Variants in IL12RB2 observed in about 807,000 individuals in gnomAD.
The protein encoded by IL12RB2 is interleukin-12 receptor subunit beta-2.
IL12RB2 carries 82 observed loss-of-function variants against 89.4 expected under a neutral mutation model. That is an observed-to-expected ratio of 0.92 (90% CI 0.77 to 1.10). The LOEUF (loss-of-function observed/expected upper bound fraction) is 1.10. IL12RB2 is among the 50% of genes least tolerant of loss of function. IL12RB2 has a pLI of 0.00. For synonymous variants in IL12RB2, 368 were observed against 370.1 expected (o/e 0.99, Z 0.07); for missense variants, 963 against 1,031.9 (o/e 0.93, Z 0.92).
At chr1:67,395,071 C>T (rs1000754429) in intron 16 of IL12RB2, among the ~76,000 whole-genome samples, 1 of 152,026 alleles carries the variant, frequency 6.6e-6, no homozygotes, top group Non-Finnish European at 1.5e-5. Flanking sequence ...AGTTCGAGAC[C>T]AGCCTGGCCA....
intron 1 of IL12RB2, among the ~76,000 whole-genome samples, chr1:67,312,098 C>T (rs930261012): frequency 4.6e-5 from 7 of 152,160 alleles, no homozygotes; most frequent in African/African-American, 1.2e-4. Context: ...AGGTCAATTG[C>T]TATTTTTAAA....
At chr1:67,378,129 AAACAAC>A (rs34521970) in intron 13 of IL12RB2, among the ~76,000 whole-genome samples, 339 of 151,116 alleles carry the variant, frequency 2.2e-3, no homozygotes, top group Non-Finnish European at 3.9e-3. Context: ...AAAACAAAAC[AAACAAC>A]AACAACAACA....
At chr1:67,383,062 A>G (rs12741095) in intron 14 of IL12RB2, among the ~76,000 whole-genome samples, 70,790 of 151,740 alleles carry the variant, frequency 0.47, 18,663 homozygotes, top group Non-Finnish European at 0.58. Flanking sequence ...ATAATTTATA[A>G]AGGGAAGAGG....
intron 10 of IL12RB2, among the ~76,000 whole-genome samples, chr1:67,363,435 C>G (rs1374410388): frequency 6.8e-6 from 1 of 147,138 alleles, no homozygotes; most frequent in Non-Finnish European, 1.5e-5. Flanking sequence ...AGGCTGGTCT[C>G]GAACTCCCAA....
chr1:67,338,630 C>T lies in IL12RB2; in HGVS notation c.965C>T (p.Thr322Ile), dbSNP rs1659154463. 6.8e-7 allele frequency: 1 copy of T among 1,470,208 alleles called. No individual in the cohort carries two copies. Among genetic ancestry groups the T allele is most frequent in the African/African-American group, 1.4e-5 (1 of 72,250 alleles). 91.1% of individuals were successfully genotyped at this position (1,470,208 alleles called of 1,614,324 possible). A position where few individuals can be genotyped will look rare whatever the true frequency, so the allele number is the denominator to read the frequency against. ...TTTTTCTCCTTTGAAACAGAGCCTACTGGGATGTTAGATGTCTGGTACATG... is the reference window on the plus strand; with the variant it reads ...TTTTTCTCCTTTGAAACAGAGCCTATTGGGATGTTAGATGTCTGGTACATG... ...LRAQTPEEEP[T>I]GMLDVWYMKR... The change falls in exon 9 of 17, where the codon ACT (threonine) becomes ATT (isoleucine). Residue 322 changes from threonine to isoleucine, a missense_variant. Transcript: ENST00000674203.
intron 13 of IL12RB2, among the ~76,000 whole-genome samples, chr1:67,373,357 A>G (rs1053279308): frequency 4.6e-5 from 7 of 152,260 alleles, no homozygotes; most frequent in Non-Finnish European, 5.9e-5. Flanking sequence ...TGATTTGCCT[A>G]CCTCGGCCTC....
intron 16 of IL12RB2, among the ~76,000 whole-genome samples, chr1:67,391,385 CTA>C (rs1491210215): frequency 9.2e-6 from 1 of 109,284 alleles, no homozygotes; most frequent in Non-Finnish European, 1.9e-5. Context: ...GTGTGTGTGT[CTA>C]TACACACACA....
At chr1:67,313,521 T>C (rs549431267) in intron 1 of IL12RB2, among the ~76,000 whole-genome samples, 1 of 152,242 alleles carries the variant, frequency 6.6e-6, no homozygotes, top group South Asian at 2.1e-4. Context: ...AGAAGTGATG[T>C]TGGATTAGAA....
intron 9 of IL12RB2, 149 bp from the exon 10 acceptor site, chr1:67,350,721 A>G (rs1660732753): frequency 1.3e-6 from 2 of 1,496,350 alleles, no homozygotes; most frequent in Admixed American, 2.1e-5. Context: ...GGTATTGCAT[A>G]AAAGTGTGTA....
At chr1:67,312,465 A>T (rs1468025523) in intron 1 of IL12RB2, among the ~76,000 whole-genome samples, 1 of 152,150 alleles carries the variant, frequency 6.6e-6, no homozygotes, top group Non-Finnish European at 1.5e-5. Flanking sequence ...TTCAATCTAT[A>T]GGATAAAATA....
At chr1:67,314,069 G>A (rs1391027997) in intron 2 of IL12RB2, 69 bp downstream of exon 2, 4 of 152,102 alleles carry the variant, frequency 2.6e-5, no homozygotes, top group Admixed American at 1.3e-4. Context: ...GATCATTAAC[G>A]ACATTCATTT....
rs150382629 is a variant in IL12RB2 at position 67,397,931 on chromosome 1, C to T, written c.*1842C>T. ...CCAGTCCTGTAGAAATAACTGTTCT[C>T]GGGCTTTAGGTTTTCCAGATTTCCC... On this transcript the variant is annotated 3_prime_UTR_variant, in exon 17 of 17. Transcript: ENST00000674203. Among the ~76,000 whole-genome samples, 236 of 152,300 alleles carry T rather than the reference C, an allele frequency of 1.5e-3. No homozygotes were observed. Among genetic ancestry groups the T allele is most frequent in the Non-Finnish European group, 2.8e-3 (188 of 68,022 alleles).
At chr1:67,327,571 G>T (rs918069395) in intron 5 of IL12RB2, among the ~76,000 whole-genome samples, 6 of 152,114 alleles carry the variant, frequency 3.9e-5, no homozygotes, top group Admixed American at 3.9e-4. Flanking sequence ...CATTCGCTTG[G>T]ATAAGTTTCT....
At chr1:67,367,438 A>AGAAG (rs1435471850) in intron 10 of IL12RB2, among the ~76,000 whole-genome samples, 12 of 132,382 alleles carry the variant, frequency 9.1e-5, no homozygotes, top group Non-Finnish European at 1.4e-4. Context: ...AGAAAAAGAA[A>AGAAG]GAAGGAAGGA....
intron 16 of IL12RB2, among the ~76,000 whole-genome samples, chr1:67,392,130 A>G (rs1025012560): frequency 3.3e-5 from 5 of 152,174 alleles, no homozygotes; most frequent in Admixed American, 6.5e-5. Flanking sequence ...GAGAGTTTCT[A>G]GCAGTCTACA....
chr1:67,388,385 G>A lies in IL12RB2; in HGVS notation c.1947-1644G>A, dbSNP rs572588903. ...TTTTGAGACAGAGTCTCACTCTGTC[G>A]CCCAGGCTGGAGTGCAGTGGCATGA... On this transcript the variant is annotated intron_variant, in intron 15 of 16. Transcript: ENST00000674203. 3.9e-5 allele frequency among the ~76,000 whole-genome samples: 6 copies of A among 152,154 alleles called. No individual in the cohort carries two copies. The East Asian group carries it at 1.2e-3, about 29-fold the overall frequency.
At chr1:67,330,958 ATTAAC>A (rs147756804) in intron 8 of IL12RB2, 148 bp downstream of exon 8, 107,003 of 681,160 alleles carry the variant, frequency 0.16, 9,488 homozygotes, top group Middle Eastern at 0.23. Flanking sequence ...TAATTTTTAT[ATTAAC>A]TTAAGTGCTG....
chr1:67,330,896 C>T, intron 8 of IL12RB2, 86 bp downstream of exon 8: 1 of 806,884 alleles, frequency 1.2e-6, no homozygotes, highest in South Asian at 1.4e-5. Flanking sequence ...GGAATAGAAT[C>T]TTTAAACTAC....
In IL12RB2 at chr1:67,330,641, A is replaced by T. The variant is rs1469140675; in HGVS notation, c.808-19A>T. On this transcript the variant is annotated intron_variant, in intron 7 of 16. Coordinates refer to ENST00000674203, the MANE Select transcript of IL12RB2 (RefSeq NM_001374259.2). ...CAATCTAGTATTAATAGGCACTTTA[A>T]AAAAATGTCTGTTTCAAGGTTAATG... 1 of 1,363,372 alleles carries T rather than the reference A, an allele frequency of 7.3e-7. No homozygotes were observed. The highest frequency in any genetic ancestry group is 1.1e-6 in the Non-Finnish European group (1 of 952,002). 84.5% of individuals were successfully genotyped at this position (1,363,372 alleles called of 1,614,324 possible).
Sources: allele counts gnomAD v4.1 joint callset (sites outside exome capture counted in the v4.1 genomes callset), GRCh38; gene constraint gnomAD v4.1.1; transcripts MANE v1.5; gene names NCBI Gene and HGNC (gene_info 2026-07-23, HGNC 2026-07-21).